GALK2: variants seen among roughly 807,000 people sequenced by gnomAD.
GALK2 encodes the protein N-acetylgalactosamine kinase.
In GALK2, 36 loss-of-function variants were observed where a neutral mutation model predicts 52.4. The ratio of observed to expected loss-of-function variants is 0.69; its 90% CI spans 0.53 to 0.91. The LOEUF is 0.91. GALK2 is among the 40% of genes least tolerant of loss of function. GALK2 has a pLI of 0.00. For synonymous variants in GALK2, 176 were observed against 199.1 expected, an observed-to-expected ratio of 0.88 and a Z score of 0.98; for missense variants, 579 against 559.1, an observed-to-expected ratio of 1.04 and a Z score of -0.36.
intron 2 of GALK2, among the ~76,000 whole-genome samples, chr15:49,213,593 T>A (rs941042886): frequency 1.3e-5 from 2 of 152,198 alleles, no homozygotes; most frequent in African/African-American, 4.8e-5. Flanking sequence ...TCTGCATGTC[T>A]TTATTGATGA....
chr15:49,225,144 C>T, intron 3 of GALK2: 1 of 451,684 alleles, frequency 2.2e-6, no homozygotes, highest in African/African-American at 2.0e-5. Context: ...AGGTCTGTTC[C>T]TGAGCTTTGA....
At chr15:49,188,392 C>G (rs2086507779) in intron 1 of GALK2, among the ~76,000 whole-genome samples, 1 of 152,174 alleles carries the variant, frequency 6.6e-6, no homozygotes, top group Non-Finnish European at 1.5e-5. Flanking sequence ...GTGTTACTTT[C>G]TACTGTTACA....
chr15:49,224,792 C>A (rs2090036157), intron 3 of GALK2, among the ~76,000 whole-genome samples: 1 of 151,978 alleles, frequency 6.6e-6, no homozygotes, highest in South Asian at 2.1e-4. Flanking sequence ...TTTCCTTTTA[C>A]TTTAGTTTTT....
At chr15:49,210,826 A>C (rs2088795867) in intron 2 of GALK2, among the ~76,000 whole-genome samples, 2 of 151,984 alleles carry the variant, frequency 1.3e-5, no homozygotes, top group Non-Finnish European at 2.9e-5. Flanking sequence ...GGCTCACTGC[A>C]ACCTGCACTT....
rs534439017 is a variant in GALK2 at position 49,316,070 on chromosome 15, C to T, written c.968-3534C>T. 2.6e-5 allele frequency among the ~76,000 whole-genome samples: 4 copies of T among 152,156 alleles called. No homozygotes were observed. The South Asian group carries it at 8.3e-4, about 32-fold the overall frequency. On this transcript the variant is annotated intron_variant, in intron 8 of 9. Transcript: ENST00000560031. ...TGTGCTTGGATGGGATATTGAAAAT[C>T]CAGAGTATCAAAAATCACTAAACTA...
At chr15:49,177,996 A>C (rs2085601028) in intron 1 of GALK2, among the ~76,000 whole-genome samples, 1 of 151,044 alleles carries the variant, frequency 6.6e-6, no homozygotes, top group African/African-American at 2.4e-5. Context: ...TTTCTACTAA[A>C]CAAAAATTAC....
intron 1 of GALK2, chr15:49,195,316 C>T (rs1205324590): frequency 8.2e-6 from 2 of 245,166 alleles, no homozygotes; most frequent in East Asian, 1.5e-4. Context: ...CATGATCCAC[C>T]CGCCTCGGCC....
At chr15:49,248,073 G>A (rs1047306796) in intron 5 of GALK2, among the ~76,000 whole-genome samples, 2 of 152,116 alleles carry the variant, frequency 1.3e-5, no homozygotes, top group African/African-American at 4.8e-5. Flanking sequence ...TACAAGTGCT[G>A]TTTCCTTGAG....
At chr15:49,181,574 C>G (rs755110211) in intron 1 of GALK2, among the ~76,000 whole-genome samples, 1 of 147,380 alleles carries the variant, frequency 6.8e-6, no homozygotes, top group South Asian at 2.2e-4. Flanking sequence ...TGCCGTGGCA[C>G]GATCTCGGCT....
intron 5 of GALK2, among the ~76,000 whole-genome samples, chr15:49,257,951 A>T (rs909775338): frequency 2.0e-5 from 3 of 149,558 alleles, no homozygotes; most frequent in Admixed American, 6.7e-5. Flanking sequence ...AATTTTAATT[A>T]TAATTATAAT....
intron 2 of GALK2, among the ~76,000 whole-genome samples, chr15:49,216,973 T>C (rs1002724251): frequency 6.6e-6 from 1 of 152,186 alleles, no homozygotes; most frequent in Non-Finnish European, 1.5e-5. Flanking sequence ...ACCTGAATTT[T>C]CTGGGTTCTT....
rs753399317 is a variant in GALK2, at chr15:49,283,664, G to C, written c.702G>C (p.Lys234Asn). 1.2e-6 allele frequency: 2 copies of C among 1,613,992 alleles called. No individual in the cohort carries two copies. Among genetic ancestry groups the C allele is most frequent in the African/African-American group, 1.3e-5 (1 of 74,914 alleles). Residue 234 changes from lysine to asparagine, a missense_variant, in exon 7 of 10, where the codon AAG (lysine) becomes AAC (asparagine). Transcript: ENST00000560031. ...VIANSCVEMN[K>N]AATSHFNIRV... is the part of the protein sequence containing the mutation. ...CCAACAGTTGTGTGGAGATGAATAA[G>C]GCAGCAACTTCCCATTTCAATATCA...
rs1320382092 is a variant in GALK2 at position 49,156,395 on chromosome 15, A to G, written c.20+379A>G. ...CCGAGCGGAAAGGGAAATCCGCAAC[A>G]TGAAGCCCTCTCTCGCTCCCAGGCA... On this transcript the variant is annotated intron_variant, in intron 1 of 9. Coordinates refer to the GALK2 transcript ENST00000327171. 1.4e-5 allele frequency: 6 copies of G among 426,382 alleles called. No homozygotes were observed. The East Asian group carries it at 3.0e-4, about 21-fold the overall frequency. The allele number at this position is 426,382 out of a possible 1,614,324, so 26.4% of individuals were successfully genotyped here.
At chr15:49,261,389 A>G (rs2092102383) in intron 5 of GALK2, among the ~76,000 whole-genome samples, 1 of 147,676 alleles carries the variant, frequency 6.8e-6, no homozygotes, top group African/African-American at 2.5e-5. Context: ...GGTGTATAAG[A>G]ATGCTTGTGA....
At chr15:49,198,021 A>C (rs2087392059) in intron 1 of GALK2, among the ~76,000 whole-genome samples, 1 of 152,212 alleles carries the variant, frequency 6.6e-6, no homozygotes, top group Non-Finnish European at 1.5e-5. Flanking sequence ...TTGTTTCAAC[A>C]AACTTCTCTA....
chr15:49,188,001 C>T (rs149327708), intron 1 of GALK2, among the ~76,000 whole-genome samples: 29 of 152,176 alleles, frequency 1.9e-4, no homozygotes, highest in African/African-American at 5.8e-4. Flanking sequence ...TCAAGCAGAA[C>T]GAGTCTCTTT....
chr15:49,170,429 A>G (rs774190497), intron 1 of GALK2, 54 bp downstream of exon 1: 2 of 1,539,180 alleles, frequency 1.3e-6, no homozygotes, highest in Non-Finnish European at 1.8e-6. Context: ...CTACGTGTAG[A>G]TCGGGTCCAC....
At chr15:49,185,479 C>T (rs2086276565) in intron 1 of GALK2, 1 of 152,118 alleles carries the variant, frequency 6.6e-6, no homozygotes, top group Non-Finnish European at 1.5e-5. Context: ...GATTTATTTT[C>T]CTTTGGATGT....
intron 1 of GALK2, among the ~76,000 whole-genome samples, chr15:49,175,575 C>G (rs2085381557): frequency 6.6e-6 from 1 of 152,054 alleles, no homozygotes; most frequent in Non-Finnish European, 1.5e-5. Flanking sequence ...TGGTAAACAT[C>G]CTTTATTAAA....
Sources: gnomAD v4.1 joint callset for allele counts (sites outside exome capture counted in the v4.1 genomes callset) on GRCh38, gnomAD v4.1.1 for gene constraint, MANE v1.5 for transcripts, NCBI Gene and HGNC (gene_info 2026-07-23, HGNC 2026-07-21) for gene names.